ACAD11: variants seen among roughly 807,000 people sequenced by gnomAD.
The protein encoded by ACAD11 is acyl-Coenzyme A dehydrogenase family, member 11.
ACAD11 carries 83 observed loss-of-function variants against 102.2 expected under a neutral mutation model. That is an observed-to-expected ratio of 0.81 (90% CI 0.68 to 0.97). The LOEUF (loss-of-function observed/expected upper bound fraction) is 0.97, where lower values mean the gene tolerates loss of function less well. ACAD11 is among the 50% of genes least tolerant of loss of function. The probability of loss-of-function intolerance (pLI) is 0.00; values close to 1 mark genes in which losing one functional copy is unlikely to be tolerated. For synonymous variants in ACAD11, 324 were observed against 319.8 expected (o/e 1.01, Z -0.14); for missense variants, 901 against 951.7 (o/e 0.95, Z 0.70).
chr3:132,590,172 C>T lies in ACAD11; in HGVS notation c.1622-10614G>A, dbSNP rs544679749. ...GCAATGAACATTCACATGCATATGT[C>T]TTTATGGTAGAATAATTTCTGTTCC... On this transcript the variant is annotated intron_variant, in intron 13 of 19. Transcript: ENST00000264990. Among the ~76,000 whole-genome samples the T allele has an allele frequency of 4.6e-5, 7 of 152,284 alleles. No individual in the cohort carries two copies. The East Asian group carries it at 1.3e-3, about 29-fold the overall frequency.
intron 1 of ACAD11, among the ~76,000 whole-genome samples, chr3:132,652,053 G>C (rs547999481): frequency 2.0e-5 from 3 of 152,252 alleles, no homozygotes; most frequent in African/African-American, 7.2e-5. Flanking sequence ...GTCAGGGGTG[G>C]AATGATATGG....
At chr3:132,591,186 G>A (rs762314028) in intron 13 of ACAD11, among the ~76,000 whole-genome samples, 5 of 152,112 alleles carry the variant, frequency 3.3e-5, no homozygotes, top group Non-Finnish European at 7.4e-5. Flanking sequence ...TTTGTATATG[G>A]TGTAAGGTAC....
At chr3:132,632,870 C>T (rs1940107414) in intron 5 of ACAD11, among the ~76,000 whole-genome samples, 1 of 152,174 alleles carries the variant, frequency 6.6e-6, no homozygotes, top group Non-Finnish European at 1.5e-5. Context: ...CATGATTTGG[C>T]TCTCTGTCTG....
intron 9 of ACAD11, chr3:132,621,366 C>T (rs1185057430): frequency 3.3e-5 from 5 of 152,150 alleles, no homozygotes; most frequent in Admixed American, 2.0e-4. Flanking sequence ...TGAGAGCTGA[C>T]TTCTCAAAGC....
intron 11 of ACAD11, 58 bp from the exon 12 acceptor site, chr3:132,605,263 A>C: frequency 1.0e-5 from 13 of 1,292,620 alleles, no homozygotes; most frequent in Non-Finnish European, 1.4e-5. Context: ...TATGAAATCC[A>C]CAACTTTATG....
At chr3:132,580,254 T>A (rs1937579001) in intron 13 of ACAD11, among the ~76,000 whole-genome samples, 1 of 152,044 alleles carries the variant, frequency 6.6e-6, no homozygotes, top group Non-Finnish European at 1.5e-5. Context: ...TGAAATCATA[T>A]AAAGATTTAA....
chr3:132,600,228 G>C, intron 13 of ACAD11, among the ~76,000 whole-genome samples: 1 of 152,174 alleles, frequency 6.6e-6, no homozygotes, highest in Non-Finnish European at 1.5e-5. Context: ...ATATTCCAAT[G>C]TGGCTCCCAT....
In ACAD11 at chr3:132,633,977, C is replaced by G. The variant is rs1576609008; in HGVS notation, c.703-2498G>C. ...CCCTAGAAGAAAACCTAGGCAATAC[C>G]ATTCAGGACATAGGCATGGGCAAGG... On this transcript the variant is annotated intron_variant, in intron 5 of 19. Coordinates refer to ENST00000264990, the MANE Select transcript of ACAD11 (RefSeq NM_032169.5). 2.0e-5 allele frequency among the ~76,000 whole-genome samples: 3 copies of G among 151,884 alleles called. No individual in the cohort carries two copies. In the East Asian group the frequency reaches 5.8e-4, roughly 29 times the overall value.
intron 9 of ACAD11, among the ~76,000 whole-genome samples, chr3:132,626,439 G>A (rs956099490): frequency 2.7e-5 from 4 of 150,318 alleles, no homozygotes; most frequent in African/African-American, 7.3e-5. Flanking sequence ...GGCCCCCAAA[G>A]TAGTGTTTTA....
chr3:132,572,281 A>G (rs1001469089), intron 17 of ACAD11, among the ~76,000 whole-genome samples: 2 of 152,122 alleles, frequency 1.3e-5, no homozygotes, highest in East Asian at 1.9e-4. Flanking sequence ...CGGGAATGCA[A>G]TCCCATTCAC....
chr3:132,652,200 G>A (rs1256995507), intron 1 of ACAD11, among the ~76,000 whole-genome samples: 3 of 152,118 alleles, frequency 2.0e-5, no homozygotes, highest in Non-Finnish European at 4.4e-5. Context: ...TCTCATGATG[G>A]TGAATAAGTC....
chr3:132,566,773 G>A (rs544612109), intron 17 of ACAD11, among the ~76,000 whole-genome samples: 1 of 152,230 alleles, frequency 6.6e-6, no homozygotes, highest in African/African-American at 2.4e-5. Context: ...AATGTTAAAG[G>A]AAGTTCTCTA....
rs776492527 is a variant in ACAD11 at position 132,626,797 on chromosome 3, G to A, written c.1091C>T (p.Pro364Leu). Residue 364 changes from proline (P) to leucine (L), a missense_variant, in exon 9 of 20, where the codon CCA (proline) becomes CTA (leucine). By Grantham distance (98) the Pro-to-Leu change is moderately conservative (BLOSUM62 -3). Transcript: ENST00000264990. ...CAACTGTCCAGTAGTATCAATCTGT[G>A]GTAGTACAGTACTGAAAGTTCTTTG... is the stretch of plus-strand genomic sequence containing the variant. ...LSKRTFSTVL[P>L]QIDTTGQLFV... 4 of 1,612,900 alleles carry A rather than the reference G, an allele frequency of 2.5e-6. No homozygotes were observed. The highest frequency in any genetic ancestry group is 1.7e-5 in the Admixed American group (1 of 59,920).
At chr3:132,566,964 ATAAT>A (rs1937232220) in intron 17 of ACAD11, among the ~76,000 whole-genome samples, 1 of 152,188 alleles carries the variant, frequency 6.6e-6, no homozygotes, top group Non-Finnish European at 1.5e-5. Context: ...TTTAGAGAAA[ATAAT>A]TAAGACAATT....
intron 13 of ACAD11, among the ~76,000 whole-genome samples, chr3:132,584,744 A>G (rs1937725849): frequency 6.6e-6 from 1 of 152,084 alleles, no homozygotes; most frequent in Non-Finnish European, 1.5e-5. Flanking sequence ...CCCATTCACA[A>G]TTCCTTCAAA....
At chr3:132,655,048 T>A (rs916947695) in intron 1 of ACAD11, among the ~76,000 whole-genome samples, 1 of 152,114 alleles carries the variant, frequency 6.6e-6, no homozygotes, top group Non-Finnish European at 1.5e-5. Context: ...CATTTAAACA[T>A]AGAAAAGGTA....
intron 17 of ACAD11, among the ~76,000 whole-genome samples, chr3:132,573,132 A>C (rs1212181320): frequency 6.6e-6 from 1 of 151,776 alleles, no homozygotes; most frequent in Non-Finnish European, 1.5e-5. Context: ...CCCCATGTCC[A>C]TGTGTTCTTA....
intron 1 of ACAD11, among the ~76,000 whole-genome samples, chr3:132,658,064 T>C (rs1937908725): frequency 6.6e-6 from 1 of 152,100 alleles, no homozygotes; most frequent in Non-Finnish European, 1.5e-5. Flanking sequence ...GGTTTCACCA[T>C]GTTGGCCAGG....
At chr3:132,592,645 C>T (rs931115393) in intron 13 of ACAD11, among the ~76,000 whole-genome samples, 2 of 152,164 alleles carry the variant, frequency 1.3e-5, no homozygotes, top group Admixed American at 6.5e-5. Flanking sequence ...CAATTACATA[C>T]TATGAAGCAT....
Sources: gnomAD v4.1 joint callset for allele counts (sites outside exome capture counted in the v4.1 genomes callset) on GRCh38, gnomAD v4.1.1 for gene constraint, MANE v1.5 for transcripts, NCBI Gene and HGNC (gene_info 2026-07-23, HGNC 2026-07-21) for gene names.